The following SOS1 variants were observed in gnomAD, a reference collection of about 807,000 sequenced individuals.
The protein encoded by SOS1 is SOS Ras/Rac guanine nucleotide exchange factor 1, also known as son of sevenless homolog 1.
A neutral mutation model predicts 157.6 loss-of-function variants in SOS1; 25 were observed. That is an observed-to-expected ratio of 0.16 (90% CI 0.12 to 0.22). The LOEUF (loss-of-function observed/expected upper bound fraction) is 0.22. Among genes scored for constraint, SOS1 ranks in the 10% least tolerant of loss-of-function variants. The pLI, the probability that SOS1 is intolerant of heterozygous loss-of-function variation, is 1.00. For missense variants in SOS1, 1,237 were observed against 1,599.1 expected (o/e 0.77, Z 3.86); for synonymous variants, 528 against 534.0 (o/e 0.99, Z 0.16).
intron 17 of SOS1, among the ~76,000 whole-genome samples, chr2:39,003,090 TA>T (rs1158530455): frequency 1.6e-5 from 1 of 61,314 alleles, no homozygotes; most frequent in African/African-American, 6.7e-5. Flanking sequence ...AACGTAGGGG[TA>T]GGGGAAAAGT....
At chr2:39,070,270 C>G (rs1439323855) in intron 1 of SOS1, among the ~76,000 whole-genome samples, 2 of 152,142 alleles carry the variant, frequency 1.3e-5, no homozygotes, top group Admixed American at 1.3e-4. Flanking sequence ...TGAACAAGAT[C>G]TTCATTTTGC....
At chr2:39,090,984 T>G (rs1345570189) in intron 1 of SOS1, among the ~76,000 whole-genome samples, 2 of 152,140 alleles carry the variant, frequency 1.3e-5, no homozygotes, top group Admixed American at 1.3e-4. Context: ...TTCTCCTGTT[T>G]CAGCCTCCCG....
chr2:39,068,261 A>C (rs938524267), intron 1 of SOS1, among the ~76,000 whole-genome samples: 5 of 152,208 alleles, frequency 3.3e-5, no homozygotes, highest in Non-Finnish European at 7.4e-5. Context: ...AGTTTACCTA[A>C]CTAAATAATT....
At chr2:39,102,315 G>A (rs922970118) in intron 1 of SOS1, among the ~76,000 whole-genome samples, 2 of 149,082 alleles carry the variant, frequency 1.3e-5, no homozygotes, top group African/African-American at 2.5e-5. Flanking sequence ...TTGAGCCTAC[G>A]AGTTCAAGAC....
chr2:39,084,588 A>G (rs1294595806), intron 1 of SOS1, among the ~76,000 whole-genome samples: 1 of 152,182 alleles, frequency 6.6e-6, no homozygotes, highest in Non-Finnish European at 1.5e-5. Flanking sequence ...GTGCACATTT[A>G]TAACATTTAT....
In SOS1 at chr2:39,023,242, G is replaced by T; in HGVS notation, c.1203-17C>A. On this transcript the variant is annotated splice_polypyrimidine_tract_variant and intron_variant, in intron 9 of 22. Coordinates refer to ENST00000402219, the MANE Select transcript of SOS1 (RefSeq NM_005633.4). Reference sequence around the variant, plus strand: ...GCAGATTCACTGGAATAAAGAAAAAGACATTATTAGTACATAGATGACAGA... The same window carrying T: ...GCAGATTCACTGGAATAAAGAAAAATACATTATTAGTACATAGATGACAGA... 6.3e-7 allele frequency: 1 copy of T among 1,595,932 alleles called. No homozygotes were observed. Among genetic ancestry groups the T allele is most frequent in the Non-Finnish European group, 8.6e-7 (1 of 1,164,720 alleles).
intron 8 of SOS1, among the ~76,000 whole-genome samples, chr2:39,033,009 G>A (rs954261697): frequency 1.3e-5 from 2 of 151,632 alleles, no homozygotes; most frequent in African/African-American, 4.8e-5. Flanking sequence ...AATATGAACC[G>A]GGATACCCAT....
At chr2:39,106,911 G>C (rs1003258334) in intron 1 of SOS1, among the ~76,000 whole-genome samples, 1 of 152,050 alleles carries the variant, frequency 6.6e-6, no homozygotes, top group Non-Finnish European at 1.5e-5. Flanking sequence ...TACTTGAATT[G>C]TTTTCTTTTG....
At chr2:39,023,383 GAAAATTAAAGC>G (rs1025131644) in intron 9 of SOS1, among the ~76,000 whole-genome samples, 158 bp from the exon 10 acceptor site, 2 of 152,042 alleles carry the variant, frequency 1.3e-5, no homozygotes, top group Admixed American at 6.5e-5. Flanking sequence ...ACACAATTTT[GAAAATTAAAGC>G]AACCTAGAAA....
At chr2:39,042,454 A>C (rs1197986958) in intron 6 of SOS1, among the ~76,000 whole-genome samples, 1 of 151,980 alleles carries the variant, frequency 6.6e-6, no homozygotes, top group African/African-American at 2.4e-5. Context: ...CCCGGGCTGG[A>C]GTGCAGTGGC....
intron 8 of SOS1, among the ~76,000 whole-genome samples, chr2:39,024,519 T>A (rs1669895880): frequency 6.6e-6 from 1 of 151,872 alleles, no homozygotes; most frequent in South Asian, 2.1e-4. Flanking sequence ...TGGTCTTAGG[T>A]TTCTGACCCC....
At chr2:39,068,594 C>T (rs1421343835) in intron 1 of SOS1, among the ~76,000 whole-genome samples, 1 of 152,172 alleles carries the variant, frequency 6.6e-6, no homozygotes, top group Admixed American at 6.5e-5. Context: ...AACACAAAGT[C>T]ACCCTGTATC....
intron 1 of SOS1, among the ~76,000 whole-genome samples, chr2:39,094,919 T>G (rs1308114913): frequency 6.6e-6 from 1 of 152,136 alleles, no homozygotes; most frequent in Admixed American, 6.5e-5. Context: ...GTTAGTCCAG[T>G]GGTTTTCAAA....
chr2:38,985,720 G>T lies in SOS1; in HGVS notation c.*104C>A. 14 of 1,199,438 alleles carry T rather than the reference G, an allele frequency of 1.2e-5. No individual in the cohort carries two copies. The highest frequency in any genetic ancestry group is 1.4e-5 in the Non-Finnish European group (11 of 812,814). 74.3% of individuals were successfully genotyped at this position (1,199,438 alleles called of 1,614,324 possible). ...TGCATCTTGAAGAAGAGTCGTTAGTGTTTGGAGTTCTCATTTTAACTCCTC... is the reference window on the plus strand; with the variant it reads ...TGCATCTTGAAGAAGAGTCGTTAGTTTTTGGAGTTCTCATTTTAACTCCTC... On this transcript the variant is annotated 3_prime_UTR_variant, in exon 23 of 23. Coordinates refer to ENST00000402219, the MANE Select transcript of SOS1 (RefSeq NM_005633.4).
intron 1 of SOS1, among the ~76,000 whole-genome samples, chr2:39,112,445 G>A (rs968302697): frequency 2.6e-5 from 4 of 152,112 alleles, no homozygotes; most frequent in South Asian, 4.1e-4. Flanking sequence ...CTACAGGTGC[G>A]TACCACCATG....
chr2:38,986,576 C>T (rs1476290428), intron 22 of SOS1, among the ~76,000 whole-genome samples: 3 of 151,970 alleles, frequency 2.0e-5, no homozygotes, highest in South Asian at 2.1e-4. Context: ...AGTGATCCCC[C>T]GACCTCAGCA....
intron 1 of SOS1, among the ~76,000 whole-genome samples, chr2:39,086,191 A>G (rs1672361800): frequency 6.6e-6 from 1 of 152,218 alleles, no homozygotes; most frequent in African/African-American, 2.4e-5. Context: ...GAAAAGATTA[A>G]AGTTGAAAGC....
At chr2:38,996,206 C>T (rs1386310503) in intron 19 of SOS1, among the ~76,000 whole-genome samples, 3 of 152,136 alleles carry the variant, frequency 2.0e-5, no homozygotes, top group Non-Finnish European at 2.9e-5. Context: ...TCTTCTGCCT[C>T]AGCCTCCCAA....
At chr2:39,032,961 C>T (rs1029093499) in intron 8 of SOS1, among the ~76,000 whole-genome samples, 1 of 151,618 alleles carries the variant, frequency 6.6e-6, no homozygotes. Context: ...AAGAGGAATT[C>T]CAGATAAATG....
Sources: gnomAD v4.1 joint callset for allele counts (sites outside exome capture counted in the v4.1 genomes callset) on GRCh38, gnomAD v4.1.1 for gene constraint, MANE v1.5 for transcripts, NCBI Gene and HGNC (gene_info 2026-07-23, HGNC 2026-07-21) for gene names.